STK10: variants seen among roughly 807,000 people sequenced by gnomAD.
The protein encoded by STK10 is serine/threonine kinase 10, also known as serine/threonine-protein kinase 10.
A neutral mutation model predicts 113.8 loss-of-function variants in STK10; 78 were observed. The ratio of observed to expected loss-of-function variants is 0.69; its 90% confidence interval spans 0.57 to 0.83. The LOEUF (loss-of-function observed/expected upper bound fraction) is 0.83, where lower values mean the gene tolerates loss of function less well. Ranked by LOEUF, STK10 falls within the 40% of genes least tolerant of loss-of-function variation. The pLI, the probability that STK10 is intolerant of heterozygous loss-of-function variation, is 0.00. For synonymous variants in STK10, 465 were observed against 494.7 expected, an observed-to-expected ratio of 0.94 and a Z score of 0.80; for missense variants, 1,109 against 1,280.1, an observed-to-expected ratio of 0.87 and a Z score of 2.04.
chr5:172,147,830 C>G lies in STK10; in HGVS notation c.321+8794G>C, dbSNP rs564525241. 2.6e-5 allele frequency among the ~76,000 whole-genome samples: 4 copies of G among 152,312 alleles called. No individual in the cohort carries two copies. The South Asian group carries it at 8.3e-4, about 32-fold the overall frequency. On this transcript the variant is annotated intron_variant, in intron 2 of 18. Transcript: ENST00000176763. ...CAGGAGAAGGTCAAAGAGAGAGACT[C>G]TGTTTCCTGGGGCCTGCTCCTGAGG...
chr5:172,059,731 C>G (rs1162324907), intron 14 of STK10, among the ~76,000 whole-genome samples: 1 of 152,108 alleles, frequency 6.6e-6, no homozygotes, highest in Non-Finnish European at 1.5e-5. Context: ...GTGGCCCGCA[C>G]CATCATCTCC....
intron 9 of STK10, among the ~76,000 whole-genome samples, chr5:172,090,905 A>T (rs975487092): frequency 7.3e-6 from 1 of 137,686 alleles, no homozygotes; most frequent in Admixed American, 8.1e-5. Context: ...ACTGCACTCC[A>T]GCCTGGGCCA....
intron 15 of STK10, among the ~76,000 whole-genome samples, chr5:172,056,410 T>C (rs1767757753): frequency 6.6e-6 from 1 of 151,878 alleles, no homozygotes. Context: ...CCACACAGAG[T>C]AGGGGCCCTC....
chr5:172,055,290 C>G (rs1207588898), intron 16 of STK10, among the ~76,000 whole-genome samples: 1 of 152,220 alleles, frequency 6.6e-6, no homozygotes, highest in Non-Finnish European at 1.5e-5. Context: ...ACCTCTGCCT[C>G]CCGGGCTCAA....
intron 1 of STK10, among the ~76,000 whole-genome samples, chr5:172,175,906 C>T (rs990471646): frequency 6.6e-6 from 1 of 152,150 alleles, no homozygotes; most frequent in Non-Finnish European, 1.5e-5. Context: ...GTGAGGATAT[C>T]CCCCTACCTT....
In STK10 at chr5:172,127,434, C is replaced by G. The variant is rs750937240; in HGVS notation, c.322-13G>C. ...ACTCAATCATGATCTGCAGAAAACA[C>G]AGGGCAAAGTGACAATGAGTGGGGC... On this transcript the variant is annotated splice_polypyrimidine_tract_variant and intron_variant, in intron 2 of 18. Coordinates refer to ENST00000176763, the MANE Select transcript of STK10 (RefSeq NM_005990.4). 2 of 1,613,388 alleles carry G rather than the reference C, an allele frequency of 1.2e-6. No individual in the cohort carries two copies. Among genetic ancestry groups the G allele is most frequent in the Non-Finnish European group, 1.7e-6 (2 of 1,179,608 alleles).
intron 12 of STK10, among the ~76,000 whole-genome samples, chr5:172,067,441 TTACTC>T (rs1317261136): frequency 2.6e-5 from 4 of 151,334 alleles, no homozygotes; most frequent in African/African-American, 7.3e-5. Flanking sequence ...CAATAAAAAA[TTACTC>T]TACATACAAA....
intron 8 of STK10, among the ~76,000 whole-genome samples, chr5:172,096,093 C>T (rs1489586257): frequency 6.6e-6 from 1 of 152,256 alleles, no homozygotes; most frequent in East Asian, 1.9e-4. Flanking sequence ...TAAAAACAGT[C>T]TCATTTGGTA....
At chr5:172,167,762 T>G (rs902634938) in intron 1 of STK10, among the ~76,000 whole-genome samples, 1 of 152,214 alleles carries the variant, frequency 6.6e-6, no homozygotes, top group Non-Finnish European at 1.5e-5. Flanking sequence ...GCCACCACAC[T>G]GTGGCTACCG....
intron 18 of STK10, among the ~76,000 whole-genome samples, chr5:172,047,701 C>G (rs562276001): frequency 6.6e-6 from 1 of 152,040 alleles, no homozygotes; most frequent in East Asian, 1.9e-4. Context: ...AACTGATGTA[C>G]GATGGCAGAA....
intron 15 of STK10, chr5:172,056,995 G>GAAAGAAAGAAAAAGAA (rs1157626941): frequency 2.9e-5 from 2 of 69,664 alleles, no homozygotes; most frequent in Non-Finnish European, 5.7e-5. Flanking sequence ...AAGAAAGAAA[G>GAAAGAAAGAAAAAGAA]AGAAAGAAGG....
intron 8 of STK10, among the ~76,000 whole-genome samples, chr5:172,094,561 T>C (rs943278366): frequency 2.6e-5 from 4 of 152,020 alleles, no homozygotes; most frequent in Non-Finnish European, 5.9e-5. Context: ...TTTTGCATTT[T>C]TTAGTAGGGA....
intron 7 of STK10, among the ~76,000 whole-genome samples, chr5:172,101,477 A>C (rs1442057604): frequency 1.4e-5 from 2 of 142,984 alleles, no homozygotes; most frequent in Admixed American, 1.3e-4. Context: ...CTCCAAAAAA[A>C]AAAAAAAAAA....
rs1273867425 is a variant in STK10 at position 172,113,774 on chromosome 5, G to A, written c.520+3707C>T. Among the ~76,000 whole-genome samples the A allele has an allele frequency of 2.6e-5, 4 of 152,044 alleles. No individual in the cohort carries two copies. The East Asian group carries it at 7.7e-4, about 29-fold the overall frequency. On this transcript the variant is annotated intron_variant, in intron 4 of 18. Coordinates refer to ENST00000176763, the MANE Select transcript of STK10 (RefSeq NM_005990.4). Reference sequence around the variant, plus strand: ...ACTAAAAATACGAAATTAGCCAGGCGTGGTGGCACATGCCTGTAATCCCAG... The same window carrying A: ...ACTAAAAATACGAAATTAGCCAGGCATGGTGGCACATGCCTGTAATCCCAG...
chr5:172,089,645 G>A (rs183163259), intron 10 of STK10, among the ~76,000 whole-genome samples: 114 of 152,186 alleles, frequency 7.5e-4, no homozygotes, highest in Non-Finnish European at 1.3e-3. Flanking sequence ...TGGATAATTC[G>A]GCAGATGAAG....
intron 1 of STK10, among the ~76,000 whole-genome samples, chr5:172,178,261 T>A (rs7728570): frequency 0.073 from 11,178 of 152,158 alleles, 1,334 homozygotes; most frequent in African/African-American, 0.25. Context: ...TGTGGCCCCA[T>A]CCTCAGGCCA....
intron 12 of STK10, among the ~76,000 whole-genome samples, chr5:172,073,927 T>C (rs1309271086): frequency 1.3e-5 from 2 of 151,008 alleles, no homozygotes; most frequent in African/African-American, 2.4e-5. Context: ...ATCACGCCAC[T>C]ACACTCCAGT....
intron 2 of STK10, among the ~76,000 whole-genome samples, chr5:172,129,242 C>A (rs983597103): frequency 6.6e-6 from 1 of 152,224 alleles, no homozygotes; most frequent in African/African-American, 2.4e-5. Context: ...ACTAGAGATA[C>A]TAGGTTCCAG....
At chr5:172,056,950 A>AGAAAGAAAGAAG (rs1767794756) in intron 15 of STK10, 1 of 83,098 alleles carries the variant, frequency 1.2e-5, no homozygotes, top group African/African-American at 5.7e-5. Flanking sequence ...AAAGAAAGAA[A>AGAAAGAAAGAAG]GAAGGAAAGA....
Sources: allele counts gnomAD v4.1 joint callset (sites outside exome capture counted in the v4.1 genomes callset), GRCh38; gene constraint gnomAD v4.1.1; transcripts MANE v1.5; gene names NCBI Gene and HGNC (gene_info 2026-07-23, HGNC 2026-07-21).